The following ADAMTS17 variants were observed in gnomAD, a reference collection of about 807,000 sequenced individuals.
ADAMTS17 encodes the protein ADAM metallopeptidase with thrombospondin type 1 motif 17, also known as A disintegrin and metalloproteinase with thrombospondin motifs 17.
In ADAMTS17, 113 loss-of-function variants were observed where a neutral mutation model predicts 141.5. The ratio of observed to expected loss-of-function variants is 0.80; its 90% CI spans 0.69 to 0.93. The LOEUF (loss-of-function observed/expected upper bound fraction) is 0.93, where lower values mean the gene tolerates loss of function less well. Among genes scored for constraint, ADAMTS17 ranks in the 40% least tolerant of loss-of-function variants. The pLI, the probability that ADAMTS17 is intolerant of heterozygous loss-of-function variation, is 0.00. For synonymous variants in ADAMTS17, 768 were observed against 630.6 expected (o/e 1.22, Z -3.27); for missense variants, 1,659 against 1,517.9 (o/e 1.09, Z -1.54).
Position 100,072,219 on chromosome 15 carries a change from A to C in ADAMTS17, c.2138-18165T>G, listed in dbSNP as rs1394294916. ...TACAAGGGATGTGAAGGACCTCTTCAAGGAGAACTACAAACCACTGCTCAA... is the reference window on the plus strand; with the variant it reads ...TACAAGGGATGTGAAGGACCTCTTCCAGGAGAACTACAAACCACTGCTCAA... On this transcript the variant is annotated intron_variant, in intron 15 of 21. Coordinates refer to ENST00000268070, the MANE Select transcript of ADAMTS17 (RefSeq NM_139057.4). Among the ~76,000 whole-genome samples, 7 of 148,492 alleles carry C rather than the reference A, an allele frequency of 4.7e-5. No homozygotes were observed. The East Asian group carries it at 1.4e-3, about 29-fold the overall frequency.
chr15:100,267,777 G>C (rs1009210353), intron 4 of ADAMTS17, among the ~76,000 whole-genome samples: 1 of 152,062 alleles, frequency 6.6e-6, no homozygotes. Flanking sequence ...TACATTTATG[G>C]GGTACATGAA....
At chr15:100,111,890 G>A (rs959834533) in intron 13 of ADAMTS17, among the ~76,000 whole-genome samples, 3 of 152,186 alleles carry the variant, frequency 2.0e-5, no homozygotes, top group East Asian at 1.9e-4. Context: ...GCAGGGTCAC[G>A]CCCCGCCTCT....
At chr15:100,291,941 AAAAAG>A (rs1248309603) in intron 3 of ADAMTS17, among the ~76,000 whole-genome samples, 4 of 152,282 alleles carry the variant, frequency 2.6e-5, no homozygotes, top group Non-Finnish European at 4.4e-5. Context: ...ATAAAAGTTA[AAAAAG>A]AAAAGAAAAT....
intron 3 of ADAMTS17, among the ~76,000 whole-genome samples, chr15:100,308,230 C>T (rs2045290625): frequency 6.6e-6 from 1 of 152,186 alleles, no homozygotes; most frequent in South Asian, 2.1e-4. Context: ...ATCGTCCAGC[C>T]TTGTCAAAAA....
intron 4 of ADAMTS17, among the ~76,000 whole-genome samples, chr15:100,266,201 G>A (rs934561345): frequency 1.7e-4 from 26 of 152,182 alleles, no homozygotes; most frequent in African/African-American, 5.8e-4. Context: ...CACGGTTTCT[G>A]GTATCAGCAC....
chr15:100,143,818 A>T (rs2038771168), intron 10 of ADAMTS17, among the ~76,000 whole-genome samples: 1 of 152,232 alleles, frequency 6.6e-6, no homozygotes, highest in South Asian at 2.1e-4. Context: ...CTCCTAAAGC[A>T]ATTGCAGAAA....
At chr15:100,294,101 A>G (rs1250868510) in intron 3 of ADAMTS17, among the ~76,000 whole-genome samples, 1 of 152,206 alleles carries the variant, frequency 6.6e-6, no homozygotes, top group Admixed American at 6.5e-5. Flanking sequence ...GCCCACGCTC[A>G]GCCTCTAACA....
chr15:100,093,700 A>G (rs994181219), intron 15 of ADAMTS17, among the ~76,000 whole-genome samples: 17 of 151,960 alleles, frequency 1.1e-4, no homozygotes, highest in African/African-American at 3.9e-4. Context: ...CTGGTGCCCC[A>G]CCAGAACCTG....
chr15:100,001,976 C>CAAAAAAAAAAAAAAAAAA (rs71151930), intron 18 of ADAMTS17, among the ~76,000 whole-genome samples: 8 of 33,588 alleles, frequency 2.4e-4, no homozygotes, highest in African/African-American at 8.3e-4. Flanking sequence ...GACTCAGTCT[C>CAAAAAAAAAAAAAAAAAA]AAAAAAAAGG....
At chr15:99,999,227 C>A (rs1260640296) in intron 18 of ADAMTS17, among the ~76,000 whole-genome samples, 1 of 152,122 alleles carries the variant, frequency 6.6e-6, no homozygotes, top group African/African-American at 2.4e-5. Context: ...GGGGGGCAGA[C>A]CATATATAGC....
chr15:100,158,382 C>A (rs1216329854), intron 8 of ADAMTS17, among the ~76,000 whole-genome samples: 1 of 152,120 alleles, frequency 6.6e-6, no homozygotes, highest in African/African-American at 2.4e-5. Context: ...CAAAAAAATT[C>A]TTTTTACTTT....
chr15:100,278,907 C>T (rs911082045), intron 4 of ADAMTS17, among the ~76,000 whole-genome samples: 1 of 152,260 alleles, frequency 6.6e-6, no homozygotes, highest in East Asian at 1.9e-4. Context: ...TCCCTGCTCT[C>T]GGGCCTCCTT....
intron 15 of ADAMTS17, among the ~76,000 whole-genome samples, chr15:100,065,345 T>G (rs989943446): frequency 1.3e-5 from 2 of 152,180 alleles, no homozygotes; most frequent in African/African-American, 4.8e-5. Context: ...GGTACAAAAT[T>G]CAAAAATTAT....
At chr15:100,079,522 G>A (rs1567137876) in intron 15 of ADAMTS17, among the ~76,000 whole-genome samples, 1 of 152,148 alleles carries the variant, frequency 6.6e-6, no homozygotes, top group African/African-American at 2.4e-5. Context: ...TTAGATGAGT[G>A]GTTACCTAGG....
intron 3 of ADAMTS17, among the ~76,000 whole-genome samples, chr15:100,298,580 G>C (rs949556795): frequency 2.6e-5 from 4 of 152,174 alleles, no homozygotes; most frequent in African/African-American, 9.7e-5. Context: ...AACTTCCAGG[G>C]AAAGCTGGCT....
chr15:99,999,415 A>C (rs1011143595), intron 18 of ADAMTS17, among the ~76,000 whole-genome samples: 14 of 152,188 alleles, frequency 9.2e-5, no homozygotes, highest in African/African-American at 3.4e-4. Context: ...GGAAGTGGAC[A>C]TCTCAGGAGA....
intron 18 of ADAMTS17, among the ~76,000 whole-genome samples, chr15:100,030,592 T>C (rs2030051769): frequency 6.6e-6 from 1 of 152,162 alleles, no homozygotes; most frequent in African/African-American, 2.4e-5. Context: ...CATGATCCTT[T>C]TTCCTTCCCT....
chr15:100,209,113 C>CAA lies in ADAMTS17; in HGVS notation c.1076-9692_1076-9691dup, dbSNP rs60742726. On this transcript the variant is annotated intron_variant, in intron 7 of 21. Transcript: ENST00000268070. Reference sequence around the variant, plus strand: ...TGCATGGAAATATTTGCCAAGTTAGCAAAAAAAAAAAAAAAAAAAAGGAAG... The same window carrying CAA: ...TGCATGGAAATATTTGCCAAGTTAGCAAAAAAAAAAAAAAAAAAAAAAGGAAG... 4.5e-3 allele frequency among the ~76,000 whole-genome samples: 432 copies of CAA among 96,944 alleles called. 7 individuals carry two copies. Among genetic ancestry groups the CAA allele is most frequent in the South Asian group, 0.043 (113 of 2,606 alleles). 63.6% of individuals were successfully genotyped at this position (96,944 alleles called of 152,430 possible).
In ADAMTS17 at chr15:100,054,010, T is replaced by C; in HGVS notation, c.2182A>G (p.Ile728Val). 1 of 1,614,186 alleles carries C rather than the reference T, an allele frequency of 6.2e-7. No individual in the cohort carries two copies. The highest frequency in any genetic ancestry group is 8.5e-7 in the Non-Finnish European group (1 of 1,180,024). Residue 728 changes from isoleucine to valine, a missense_variant, in exon 16 of 22, where the codon ATA becomes GTA. Transcript: ENST00000268070. Reference sequence around the variant, plus strand: ...ATCTGGAACTCTCCGGGGAGCTCTATCTTCCAGTCACTGTTGATGGACCCC... The same window carrying C: ...ATCTGGAACTCTCCGGGGAGCTCTACCTTCCAGTCACTGTTGATGGACCCC... Reference protein sequence around the residue: ...GKGSINSDWKIELPGEFQIAG... With the variant: ...GKGSINSDWKVELPGEFQIAG...
Sources: allele counts gnomAD v4.1 joint callset (sites outside exome capture counted in the v4.1 genomes callset), GRCh38; gene constraint gnomAD v4.1.1; transcripts MANE v1.5; gene names NCBI Gene and HGNC (gene_info 2026-07-23, HGNC 2026-07-21).